The following NR1H4 variants were observed in gnomAD, a reference collection of about 807,000 sequenced individuals.
NR1H4 encodes bile acid receptor.
Under a neutral mutation model 58.5 loss-of-function variants are expected in NR1H4, and 23 were observed. The ratio of observed to expected loss-of-function variants is 0.39; its 90% confidence interval spans 0.28 to 0.56. The LOEUF (loss-of-function observed/expected upper bound fraction) is 0.56, where lower values mean the gene tolerates loss of function less well. NR1H4 is among the 20% of genes least tolerant of loss of function. NR1H4 has a pLI of 0.58. For synonymous variants in NR1H4, 214 were observed against 198.0 expected (o/e 1.08, Z -0.68); for missense variants, 487 against 576.9 (o/e 0.84, Z 1.60).
intron 3 of NR1H4, chr12:100,499,726 A>G: frequency 2.5e-6 from 1 of 400,708 alleles, no homozygotes; most frequent in Non-Finnish European, 4.9e-6. Context: ...CTATAAAATC[A>G]TATTGCAAAT....
intron 3 of NR1H4, among the ~76,000 whole-genome samples, chr12:100,506,891 A>G (rs1953979233): frequency 6.6e-6 from 1 of 152,210 alleles, no homozygotes; most frequent in Admixed American, 6.5e-5. Context: ...GATATTATCT[A>G]TATCTTTGTG....
chr12:100,516,198 A>T, intron 4 of NR1H4, among the ~76,000 whole-genome samples: 1 of 152,216 alleles, frequency 6.6e-6, no homozygotes, highest in East Asian at 1.9e-4. Flanking sequence ...AATAAAATGT[A>T]GACTTGAAAC....
At chr12:100,513,887 C>A (rs1954195998) in intron 4 of NR1H4, among the ~76,000 whole-genome samples, 1 of 151,488 alleles carries the variant, frequency 6.6e-6, no homozygotes, top group Non-Finnish European at 1.5e-5. Context: ...AAAGTAGTTT[C>A]CAAATGACAA....
chr12:100,483,721 C>T (rs112849026), intron 1 of NR1H4, among the ~76,000 whole-genome samples: 1,607 of 152,180 alleles, frequency 0.011, 30 homozygotes, highest in African/African-American at 0.036. Flanking sequence ...CGGTGGCTCA[C>T]GCCTGTAATC....
chr12:100,474,364 G>A (rs985818613), intron 1 of NR1H4, among the ~76,000 whole-genome samples: 1 of 152,154 alleles, frequency 6.6e-6, no homozygotes, highest in Non-Finnish European at 1.5e-5. Flanking sequence ...AAATGTCTCC[G>A]TTCTGATTCC....
intron 3 of NR1H4, among the ~76,000 whole-genome samples, chr12:100,501,712 C>T (rs1953838920): frequency 1.3e-5 from 2 of 152,294 alleles, no homozygotes; most frequent in East Asian, 3.9e-4. Flanking sequence ...TTGTATAGCT[C>T]ACCTTTGCCT....
intron 9 of NR1H4, among the ~76,000 whole-genome samples, chr12:100,559,597 C>G (rs927193419): frequency 6.6e-5 from 10 of 152,312 alleles, no homozygotes; most frequent in African/African-American, 2.4e-4. Flanking sequence ...GATTTCTCAC[C>G]GAGCCTTAGC....
At chr12:100,519,255 A>G (rs1186488116) in intron 4 of NR1H4, among the ~76,000 whole-genome samples, 1 of 152,028 alleles carries the variant, frequency 6.6e-6, no homozygotes, top group Admixed American at 6.5e-5. Context: ...CATTTTATTC[A>G]GTATCATTCC....
chr12:100,561,556 C>A (rs1460659958), intron 9 of NR1H4, among the ~76,000 whole-genome samples: 4 of 152,122 alleles, frequency 2.6e-5, no homozygotes, highest in Admixed American at 1.3e-4. Context: ...TTCACTAAAT[C>A]CCATCTGGAA....
At chr12:100,540,588 T>C in intron 8 of NR1H4, 84 bp from the exon 9 acceptor site, 2 of 1,427,088 alleles carry the variant, frequency 1.4e-6, no homozygotes, top group Non-Finnish European at 2.0e-6. Context: ...AATCACTTGA[T>C]GTAAATGTTT....
rs1376738390 is a variant in NR1H4, at chr12:100,497,494, G to T, written c.79+4092G>T. 5.9e-5 allele frequency among the ~76,000 whole-genome samples: 9 copies of T among 152,312 alleles called. No homozygotes were observed. The South Asian group carries it at 1.7e-3, about 28-fold the overall frequency. On this transcript the variant is annotated intron_variant, in intron 3 of 10. Transcript: ENST00000392986. ...ACAGAATGGAATCAGAGAGATGGGGGTTGGAATCACCTCCCTGAAGTCCTT... is the reference window on the plus strand; with the variant it reads ...ACAGAATGGAATCAGAGAGATGGGGTTTGGAATCACCTCCCTGAAGTCCTT...
chr12:100,536,447 G>A (rs1954815210), intron 6 of NR1H4, 65 bp from the exon 7 acceptor site: 4 of 896,582 alleles, frequency 4.5e-6, no homozygotes, highest in Non-Finnish European at 7.5e-6. Flanking sequence ...CCAGATGAAT[G>A]CACATATAGA....
chr12:100,477,218 T>C (rs1953289650), intron 1 of NR1H4, among the ~76,000 whole-genome samples: 3 of 152,126 alleles, frequency 2.0e-5, no homozygotes, highest in Admixed American at 2.0e-4. Flanking sequence ...AAATTGGTGA[T>C]AAGATGACAC....
chr12:100,489,628 A>C (rs1435713161), intron 1 of NR1H4, among the ~76,000 whole-genome samples: 3 of 152,326 alleles, frequency 2.0e-5, no homozygotes, highest in South Asian at 4.1e-4. Context: ...TGCAGGCAAT[A>C]GTTTACCAAC....
At chr12:100,555,442 T>C (rs574515728) in intron 9 of NR1H4, among the ~76,000 whole-genome samples, 1 of 152,338 alleles carries the variant, frequency 6.6e-6, no homozygotes, top group South Asian at 2.1e-4. Context: ...TTATCCCCAG[T>C]AATTTGCAGA....
intron 9 of NR1H4, among the ~76,000 whole-genome samples, chr12:100,541,328 C>T (rs1954929975): frequency 6.6e-6 from 1 of 151,110 alleles, no homozygotes; most frequent in Admixed American, 6.6e-5. Flanking sequence ...TTTGCCCAGG[C>T]TGGAGTGTAG....
intron 1 of NR1H4, among the ~76,000 whole-genome samples, chr12:100,475,904 T>G (rs1953259157): frequency 6.6e-6 from 1 of 152,130 alleles, no homozygotes; most frequent in Non-Finnish European, 1.5e-5. Flanking sequence ...CCACTATTTT[T>G]TGTATTTTTA....
chr12:100,543,601 G>T (rs554071774), intron 9 of NR1H4, among the ~76,000 whole-genome samples: 2 of 151,704 alleles, frequency 1.3e-5, no homozygotes, highest in African/African-American at 4.8e-5. Flanking sequence ...AGGCTAAGGG[G>T]AAAATGTTGA....
chr12:100,474,679 G>A (rs753023260), intron 1 of NR1H4, among the ~76,000 whole-genome samples: 1 of 152,184 alleles, frequency 6.6e-6, no homozygotes, highest in East Asian at 1.9e-4. Context: ...TAATAAAATT[G>A]TCCAAGGACT....
Sources: gnomAD v4.1 joint callset for allele counts (sites outside exome capture counted in the v4.1 genomes callset) on GRCh38, gnomAD v4.1.1 for gene constraint, MANE v1.5 for transcripts, NCBI Gene and HGNC (gene_info 2026-07-23, HGNC 2026-07-21) for gene names.